BIRC6: variants seen among roughly 807,000 people sequenced by gnomAD.
The protein encoded by BIRC6 is baculoviral IAP repeat containing 6.
BIRC6 carries 98 observed loss-of-function variants against 503.3 expected under a neutral mutation model. The ratio of observed to expected loss-of-function variants is 0.19; its 90% CI spans 0.17 to 0.23. The LOEUF (loss-of-function observed/expected upper bound fraction) is 0.23, where lower values mean the gene tolerates loss of function less well. Ranked by LOEUF, BIRC6 falls within the 10% of genes least tolerant of loss-of-function variation. BIRC6 has a pLI of 1.00. For missense variants in BIRC6, 5,360 were observed against 5,806.0 expected (o/e 0.92, Z 2.50); for synonymous variants, 2,240 against 2,078.7 (o/e 1.08, Z -2.11).
At position 32,485,774 on chromosome 2, in the gene BIRC6, C is replaced by T; in HGVS notation, c.7813+15C>T. ...ATCTCCTACATGTAAGTAAAATGAC[C>T]ATTTTTAGAGTATTGCAGTGAATGA... On this transcript the variant is annotated intron_variant, in intron 40 of 73. Coordinates refer to ENST00000421745, the MANE Select transcript of BIRC6 (RefSeq NM_016252.4). 1 of 1,502,478 alleles carries T rather than the reference C, an allele frequency of 6.7e-7. No homozygotes were observed. The highest frequency in any genetic ancestry group is 2.3e-5 in the East Asian group (1 of 44,254). The allele number at this position is 1,502,478 out of a possible 1,614,324, so 93.1% of individuals were successfully genotyped here. A position where few individuals can be genotyped will look rare whatever the true frequency, so the allele number is the denominator to read the frequency against.
chr2:32,479,325 C>A, intron 36 of BIRC6, 137 bp from the exon 37 acceptor site: 1 of 791,454 alleles, frequency 1.3e-6, no homozygotes, highest in Non-Finnish European at 2.0e-6. Flanking sequence ...GGGGTGGGAA[C>A]TCATTTGCCT....
At chr2:32,576,118 CATA>C (rs1180271118) in intron 66 of BIRC6, among the ~76,000 whole-genome samples, 5 of 152,146 alleles carry the variant, frequency 3.3e-5, no homozygotes, top group Non-Finnish European at 7.3e-5. Flanking sequence ...ATTTTCAGTT[CATA>C]ATAACCTCAT....
At chr2:32,478,017 A>G (rs1350185236) in intron 35 of BIRC6, among the ~76,000 whole-genome samples, 1 of 152,200 alleles carries the variant, frequency 6.6e-6, no homozygotes, top group Non-Finnish European at 1.5e-5. Flanking sequence ...TAAAATAGGA[A>G]ATACACAAGT....
chr2:32,383,185 T>G (rs1253722601), intron 3 of BIRC6, among the ~76,000 whole-genome samples: 1 of 151,832 alleles, frequency 6.6e-6, no homozygotes, highest in Non-Finnish European at 1.5e-5. Flanking sequence ...TAGCTGCGAT[T>G]ACAGGCGCGT....
chr2:32,537,202 C>T (rs1559000837), intron 61 of BIRC6, among the ~76,000 whole-genome samples: 1 of 152,064 alleles, frequency 6.6e-6, no homozygotes, highest in African/African-American at 2.4e-5. Context: ...TGTAACACCC[C>T]ATTGTCAACA....
chr2:32,513,253 A>G (rs547830853), intron 54 of BIRC6, 99 bp downstream of exon 54: 6 of 826,210 alleles, frequency 7.3e-6, no homozygotes, highest in South Asian at 5.4e-5. Context: ...TAGGAGAAAC[A>G]TAATATTTTG....
At chr2:32,441,609 A>G (rs867585270) in intron 17 of BIRC6, 147 bp downstream of exon 17, 5 of 718,978 alleles carry the variant, frequency 7.0e-6, no homozygotes, top group East Asian at 2.8e-5. Flanking sequence ...TGATGAGAAT[A>G]TGAGTTGTCT....
At chr2:32,372,890 A>G (rs1365849441) in intron 1 of BIRC6, among the ~76,000 whole-genome samples, 1 of 152,208 alleles carries the variant, frequency 6.6e-6, no homozygotes, top group East Asian at 1.9e-4. Flanking sequence ...TGATGATTAT[A>G]AATAGAGCGA....
chr2:32,527,791 A>G (rs2056398046), intron 59 of BIRC6: 1 of 152,232 alleles, frequency 6.6e-6, no homozygotes. Flanking sequence ...TGCTTCAGTT[A>G]TTCATTCATT....
chr2:32,424,902 T>C (rs781315011), intron 10 of BIRC6, among the ~76,000 whole-genome samples: 7 of 152,176 alleles, frequency 4.6e-5, no homozygotes, highest in Non-Finnish European at 8.8e-5. Context: ...GGGTCCCAGT[T>C]TTTCTACATC....
Position 32,607,629 on chromosome 2 carries a change from C to T in BIRC6, c.14245C>T (p.Pro4749Ser). ...AMLEQIRNPS[P>S]CFKEVIHKHF... ...GCTAGAACAAATCAGAAACCCTTCA[C>T]CATGTTTTAAAGAGGTATGTTCAAT... The change falls in exon 72 of 74, where the codon CCA (proline) becomes TCA (serine). Residue 4749 changes from proline to serine, a missense_variant. Pro to Ser is a moderately conservative substitution (Grantham distance 74). Coordinates refer to ENST00000421745, the MANE Select transcript of BIRC6 (RefSeq NM_016252.4). 5.0e-6 allele frequency: 8 copies of T among 1,607,842 alleles called. No individual in the cohort carries two copies. The highest frequency in any genetic ancestry group is 6.8e-6 in the Non-Finnish European group (8 of 1,176,522).
At chr2:32,403,165 CCT>C (rs2040788283) in intron 8 of BIRC6, among the ~76,000 whole-genome samples, 1 of 152,136 alleles carries the variant, frequency 6.6e-6, no homozygotes, top group African/African-American at 2.4e-5. Context: ...CCTTAAGCCC[CCT>C]CTCTTCACTT....
At position 32,401,381 on chromosome 2, in the gene BIRC6, T is replaced by C. The variant is rs1377399738; in HGVS notation, c.1253T>C (p.Met418Thr). 8 of 1,613,680 alleles carry C rather than the reference T, an allele frequency of 5.0e-6. No homozygotes were observed. Among genetic ancestry groups the C allele is most frequent in the East Asian group, 4.5e-5 (2 of 44,894 alleles). ...KICIWDVSKL[M>T]KVHLKFEINA... ...TGCATATGGGATGTTTCCAAACTTA[T>C]GAAGGTATGTTTGAATTTTGAAGTA... is the stretch of plus-strand genomic sequence containing the variant. The change falls in exon 7 of 74, where the codon ATG becomes ACG. Residue 418 changes from methionine to threonine, a missense_variant. Met to Thr is a moderately conservative substitution (Grantham distance 81). Coordinates refer to ENST00000421745, the MANE Select transcript of BIRC6 (RefSeq NM_016252.4).
chr2:32,403,853 A>G (rs1452432651), intron 8 of BIRC6, among the ~76,000 whole-genome samples: 1 of 152,074 alleles, frequency 6.6e-6, no homozygotes, highest in Non-Finnish European at 1.5e-5. Flanking sequence ...GATGAAATAT[A>G]GAGTAGTCAT....
At chr2:32,581,022 T>C (rs1261848839) in intron 66 of BIRC6, among the ~76,000 whole-genome samples, 1 of 152,190 alleles carries the variant, frequency 6.6e-6, no homozygotes, top group African/African-American at 2.4e-5. Context: ...ACGTCTACAA[T>C]GTTAGGCAGA....
chr2:32,509,911 T>C lies in BIRC6; in HGVS notation c.10154T>C (p.Ile3385Thr). Residue 3385 changes from isoleucine to threonine, a missense_variant, in exon 52 of 74, where the codon ATA becomes ACA. Physicochemically the swap from Ile to Thr is moderately conservative, Grantham distance 89 (BLOSUM62 -1). This residue lies in a region of BIRC6 where 878 missense variants were observed against 928.9 expected (regional missense o/e 0.95). Transcript: ENST00000421745. ...AACATCGAGGTTGTGCTTGTAAAGA[T>C]AGGACTGCAGTCTACTAGAATTGGC... Reference protein sequence around the residue: ...SPNIEVVLVKIGLQSTRIGLK... With the variant: ...SPNIEVVLVKTGLQSTRIGLK... 2 of 1,613,990 alleles carry C rather than the reference T, an allele frequency of 1.2e-6. No homozygotes were observed. The highest frequency in any genetic ancestry group is 2.2e-5 in the South Asian group (2 of 91,088).
At position 32,401,537 on chromosome 2, in the gene BIRC6, C is replaced by T. The variant is rs2040593703; in HGVS notation, c.1332C>T (p.Ser444=). 1.2e-6 allele frequency: 2 copies of T among 1,613,862 alleles called. No individual in the cohort carries two copies. Among genetic ancestry groups the T allele is most frequent in the African/African-American group, 1.3e-5 (1 of 74,918 alleles). The change falls in exon 8 of 74, where the codon AGC becomes AGT. Residue 444 remains serine (S), a synonymous_variant. Transcript: ENST00000421745. ...VQQLILSGDP[S]SGVDSRRPTL... The stretch of plus-strand genomic sequence containing the variant: ...AGCTTATTCTATCAGGAGACCCAAG[C>T]TCAGGAGTTGATTCAAGGAGACCAA...
At chr2:32,594,989 T>C (rs949516098) in intron 67 of BIRC6, 45 bp from the exon 68 acceptor site, 8 of 1,159,094 alleles carry the variant, frequency 6.9e-6, no homozygotes, top group Middle Eastern at 5.9e-4. Flanking sequence ...TTAAAATATA[T>C]ACTTAAAATG....
chr2:32,494,473 G>A (rs1393080613), intron 45 of BIRC6, among the ~76,000 whole-genome samples: 3 of 151,830 alleles, frequency 2.0e-5, no homozygotes, highest in Admixed American at 6.6e-5. Context: ...TGATCCGCCC[G>A]CCTCAGCCTC....
Sources: allele counts gnomAD v4.1 joint callset (sites outside exome capture counted in the v4.1 genomes callset), GRCh38; gene constraint gnomAD v4.1.1; regional missense constraint gnomAD v4.1.1; transcripts MANE v1.5; gene names NCBI Gene and HGNC (gene_info 2026-07-23, HGNC 2026-07-21).